Variants in EXT1 observed in about 807,000 individuals in gnomAD.
The protein encoded by EXT1 is exostosin glycosyltransferase 1.
EXT1 carries 20 observed loss-of-function variants against 82.5 expected under a neutral mutation model. The ratio of observed to expected loss-of-function variants is 0.24; its 90% CI spans 0.17 to 0.35. The LOEUF (loss-of-function observed/expected upper bound fraction) is 0.35. Among genes scored for constraint, EXT1 ranks in the 10% least tolerant of loss-of-function variants. The pLI, the probability that EXT1 is intolerant of heterozygous loss-of-function variation, is 1.00. For missense variants in EXT1, 757 were observed against 936.5 expected, an observed-to-expected ratio of 0.81 and a Z score of 2.50; for synonymous variants, 348 against 350.8, an observed-to-expected ratio of 0.99 and a Z score of 0.09.
At chr8:117,968,549 ATTTATTTTTTTTTT>A (rs1814871784) in intron 1 of EXT1, among the ~76,000 whole-genome samples, 1 of 11,306 alleles carries the variant, frequency 8.8e-5, no homozygotes. Flanking sequence ...TTATTTATTT[ATTTATTTTTTTTTT>A]TTTTTTTTTT....
At chr8:118,083,301 A>C (rs746467440) in intron 1 of EXT1, among the ~76,000 whole-genome samples, 21 of 152,228 alleles carry the variant, frequency 1.4e-4, no homozygotes, top group South Asian at 2.1e-4. Flanking sequence ...ACAGAACAGT[A>C]ATCTCCACAA....
intron 1 of EXT1, among the ~76,000 whole-genome samples, chr8:117,891,644 G>C (rs1788294285): frequency 6.6e-6 from 1 of 152,062 alleles, no homozygotes; most frequent in Non-Finnish European, 1.5e-5. Context: ...ACTGAACACA[G>C]TTGTATGCAG....
intron 1 of EXT1, among the ~76,000 whole-genome samples, chr8:117,902,554 C>T (rs945143561): frequency 5.3e-5 from 8 of 150,226 alleles, no homozygotes; most frequent in Non-Finnish European, 7.4e-5. Context: ...TCTTCTATGA[C>T]GTCATTGTTG....
intron 4 of EXT1, among the ~76,000 whole-genome samples, chr8:117,827,975 T>C (rs1812034919): frequency 6.6e-6 from 1 of 151,796 alleles, no homozygotes. Context: ...CTACCCAAAT[T>C]GGGGATTAAT....
intron 1 of EXT1, among the ~76,000 whole-genome samples, chr8:118,003,116 T>C (rs986175230): frequency 2.6e-5 from 4 of 151,868 alleles, no homozygotes; most frequent in East Asian, 1.9e-4. Flanking sequence ...CTGGATGAAA[T>C]TGGAGGACAT....
At chr8:118,100,579 C>G (rs541632881) in intron 1 of EXT1, among the ~76,000 whole-genome samples, 175 of 152,158 alleles carry the variant, frequency 1.2e-3, no homozygotes, top group Non-Finnish European at 2.1e-3. Flanking sequence ...GAAACCCTGT[C>G]TATTCAAAAT....
chr8:118,082,805 G>A (rs79680928), intron 1 of EXT1, among the ~76,000 whole-genome samples: 13 of 152,178 alleles, frequency 8.5e-5, no homozygotes, highest in African/African-American at 2.6e-4. Flanking sequence ...CCACATGCCC[G>A]GTGAAATCTC....
rs768309527 is a variant in EXT1 at position 118,110,114 on chromosome 8, G to A, written c.933C>T (p.Arg311=). ...GKDWQKHKDS[R]CDRDNTEYEK... ...CATACTCGGTGTTGTCTCTGTCACA[G>A]CGAGAATCCTTGTGCTTTTGCCAGT... Residue 311 remains arginine (R), a synonymous_variant, in exon 1 of 11, where the codon CGC becomes CGT. Transcript: ENST00000378204. 2.5e-6 allele frequency: 4 copies of A among 1,614,190 alleles called. No individual in the cohort carries two copies. The South Asian group carries it at 4.4e-5, about 18-fold the overall frequency.
intron 8 of EXT1, among the ~76,000 whole-genome samples, chr8:117,808,478 G>A (rs892942240): frequency 6.6e-6 from 1 of 152,200 alleles, no homozygotes; most frequent in Non-Finnish European, 1.5e-5. Flanking sequence ...AATGTGCTAC[G>A]TACTTTATCA....
At chr8:117,882,298 G>T (rs1383908172) in intron 1 of EXT1, among the ~76,000 whole-genome samples, 1 of 152,116 alleles carries the variant, frequency 6.6e-6, no homozygotes, top group African/African-American at 2.4e-5. Flanking sequence ...GGCCAGGCTG[G>T]TCTCGAACTC....
chr8:117,887,333 T>C (rs981570355), intron 1 of EXT1, among the ~76,000 whole-genome samples: 1 of 152,152 alleles, frequency 6.6e-6, no homozygotes, highest in African/African-American at 2.4e-5. Flanking sequence ...GCAAAACATG[T>C]TTCCAGGAAC....
At chr8:117,945,108 G>A (rs1188281550) in intron 1 of EXT1, among the ~76,000 whole-genome samples, 1 of 152,196 alleles carries the variant, frequency 6.6e-6, no homozygotes, top group African/African-American at 2.4e-5. Context: ...TTTGCAGTGA[G>A]CCAAGATCGC....
At chr8:118,096,616 GAAGGAGGAAGGAAGGAAGGAAGGAAGGA>G (rs1175917774) in intron 1 of EXT1, among the ~76,000 whole-genome samples, 1 of 49,102 alleles carries the variant, frequency 2.0e-5, no homozygotes, top group African/African-American at 5.0e-5. Flanking sequence ...AGGAAGGAAG[GAAGGAGGAAGGAAGGAAGGAAGGAAGGA>G]AGGAAGGAAG....
intron 1 of EXT1, among the ~76,000 whole-genome samples, chr8:117,991,498 C>T (rs1815434150): frequency 6.6e-6 from 1 of 152,140 alleles, no homozygotes; most frequent in East Asian, 1.9e-4. Flanking sequence ...TTTGCTGGTT[C>T]TGAGTCTCTT....
chr8:117,823,709 T>G (rs751262913), intron 4 of EXT1, among the ~76,000 whole-genome samples: 7 of 152,156 alleles, frequency 4.6e-5, no homozygotes, highest in Non-Finnish European at 1.0e-4. Flanking sequence ...TACATTTATC[T>G]TTGCAAATCT....
chr8:117,806,544 C>T (rs150206602), intron 9 of EXT1, among the ~76,000 whole-genome samples: 1 of 152,294 alleles, frequency 6.6e-6, no homozygotes, highest in Non-Finnish European at 1.5e-5. Context: ...CCCATTCCAC[C>T]CAGTCACAGT....
chr8:118,108,581 A>T (rs1451823439), intron 1 of EXT1, among the ~76,000 whole-genome samples: 1 of 152,240 alleles, frequency 6.6e-6, no homozygotes, highest in Non-Finnish European at 1.5e-5. Context: ...TGAGAGGAAA[A>T]TATGGATTCA....
chr8:117,949,477 CAT>C (rs1033514922), intron 1 of EXT1, among the ~76,000 whole-genome samples: 17 of 149,484 alleles, frequency 1.1e-4, no homozygotes, highest in Admixed American at 6.7e-4. Flanking sequence ...TATACACACA[CAT>C]ACACACATAT....
chr8:118,047,043 G>A lies in EXT1; in HGVS notation c.962+63042C>T, dbSNP rs551903564. 1.7e-4 allele frequency among the ~76,000 whole-genome samples: 26 copies of A among 152,308 alleles called. No individual in the cohort carries two copies. The South Asian group carries it at 3.9e-3, about 23-fold the overall frequency. On this transcript the variant is annotated intron_variant, in intron 1 of 10. Transcript: ENST00000378204. ...ACATAGAGCGACCAGATTTCCTAAG[G>A]AGGGTAATTCATTTTACTCCAAAAA...
Sources: allele counts gnomAD v4.1 joint callset (sites outside exome capture counted in the v4.1 genomes callset), GRCh38; gene constraint gnomAD v4.1.1; transcripts MANE v1.5; gene names NCBI Gene and HGNC (gene_info 2026-07-23, HGNC 2026-07-21).